Variants in COA1 observed in about 807,000 individuals in gnomAD.
COA1 encodes cytochrome c oxidase assembly factor 1.
A neutral mutation model predicts 16.0 loss-of-function variants in COA1; 13 were observed. The ratio of observed to expected loss-of-function variants is 0.81; its 90% confidence interval spans 0.53 to 1.29. The LOEUF (loss-of-function observed/expected upper bound fraction) is 1.29. Ranked by LOEUF, COA1 falls within the 50% of genes most tolerant of loss-of-function variation. The pLI is 0.00. For synonymous variants in COA1, 65 were observed against 65.7 expected (o/e 0.99, Z 0.05); for missense variants, 179 against 177.0 (o/e 1.01, Z -0.06).
downstream of COA1, among the ~76,000 whole-genome samples, chr7:43,634,420 G>A (rs1182234885): frequency 6.6e-6 from 1 of 152,194 alleles, no homozygotes; most frequent in Non-Finnish European, 1.5e-5. Context: ...AGGGGGAGGG[G>A]TGGCTAAGTG....
chr7:43,700,629 G>A (rs1232268822), intron 1 of COA1, among the ~76,000 whole-genome samples: 2 of 116,018 alleles, frequency 1.7e-5, no homozygotes, highest in East Asian at 2.4e-4. Flanking sequence ...TTAGAGTAAG[G>A]TACCTAAATA....
chr7:43,718,518 A>T (rs1384778123), intron 1 of COA1, among the ~76,000 whole-genome samples: 1 of 152,178 alleles, frequency 6.6e-6, no homozygotes, highest in Non-Finnish European at 1.5e-5. Flanking sequence ...AGGGTTTGGG[A>T]TTTAAAATAA....
chr7:43,645,181 T>G, intron 4 of COA1, 70 bp downstream of exon 4: 1 of 1,506,976 alleles, frequency 6.6e-7, no homozygotes, highest in Non-Finnish European at 9.1e-7. Flanking sequence ...TCCAGGACTT[T>G]CCAGGAGACA....
intron 6 of COA1, chr7:43,623,042 T>C (rs577534895): frequency 1.3e-5 from 2 of 153,394 alleles, no homozygotes; most frequent in East Asian, 3.8e-4. Context: ...GTCCCATGCC[T>C]GTAGTGTCAG....
chr7:43,687,373 T>C (rs1016477117), intron 1 of COA1, among the ~76,000 whole-genome samples: 1 of 152,196 alleles, frequency 6.6e-6, no homozygotes, highest in African/African-American at 2.4e-5. Flanking sequence ...CCTCGATAGC[T>C]TCAAGCTTAA....
At chr7:43,723,569 T>A (rs2095552283) in intron 1 of COA1, among the ~76,000 whole-genome samples, 1 of 151,776 alleles carries the variant, frequency 6.6e-6, no homozygotes, top group African/African-American at 2.4e-5. Flanking sequence ...CAAACTCACC[T>A]CCATTTTAGA....
chr7:43,721,272 T>C lies in COA1; in HGVS notation c.-39+8157A>G, dbSNP rs1286228619. On this transcript the variant is annotated intron_variant, in intron 1 of 5. Coordinates refer to ENST00000223336, the MANE Select transcript of COA1 (RefSeq NM_018224.4). ...TTGAAATAGACTTTAAAAAATAATTTCAATAGTTAAATGTCAGTTCTTAAT... is the reference window on the plus strand; with the variant it reads ...TTGAAATAGACTTTAAAAAATAATTCCAATAGTTAAATGTCAGTTCTTAAT... Among the ~76,000 whole-genome samples the C allele has an allele frequency of 3.3e-5, 5 of 152,356 alleles. No individual in the cohort carries two copies. In the East Asian group the frequency reaches 9.6e-4, roughly 29 times the overall value.
intron 1 of COA1, among the ~76,000 whole-genome samples, chr7:43,667,328 A>G (rs1381610673): frequency 2.0e-5 from 3 of 152,204 alleles, no homozygotes; most frequent in Non-Finnish European, 4.4e-5. Context: ...GAAAAGAGGT[A>G]AAAAAGATTA....
intron 1 of COA1, among the ~76,000 whole-genome samples, chr7:43,699,965 G>A (rs1167790706): frequency 1.3e-5 from 2 of 151,830 alleles, no homozygotes; most frequent in East Asian, 1.9e-4. Flanking sequence ...CTTTATCATC[G>A]CTTTGTAAGC....
intron 1 of COA1, among the ~76,000 whole-genome samples, chr7:43,711,908 T>C (rs1044268774): frequency 1.3e-5 from 2 of 152,148 alleles, no homozygotes; most frequent in African/African-American, 4.8e-5. Context: ...ATATAATATA[T>C]AAAATATATG....
chr7:43,683,448 C>A (rs748925828), intron 1 of COA1, among the ~76,000 whole-genome samples: 1 of 151,884 alleles, frequency 6.6e-6, no homozygotes, highest in Non-Finnish European at 1.5e-5. Context: ...CTGGCTAACA[C>A]GGTGAAACCT....
intron 1 of COA1, among the ~76,000 whole-genome samples, chr7:43,657,921 T>C (rs566069593): frequency 6.6e-6 from 1 of 152,152 alleles, no homozygotes; most frequent in East Asian, 1.9e-4. Flanking sequence ...ACATTATATG[T>C]TTATTAGGAA....
At position 43,678,257 on chromosome 7, in the gene COA1, C is replaced by T. The variant is rs2093622731; in HGVS notation, c.-38-29605G>A. Among the ~76,000 whole-genome samples the T allele has an allele frequency of 2.6e-5, 4 of 152,266 alleles. No individual in the cohort carries two copies. In the South Asian group the frequency reaches 8.3e-4, roughly 32 times the overall value. ...TAAAAAGAGAATTCAACAAATAACA[C>T]TGGGAAAATAAATATCCACATGCAA... On this transcript the variant is annotated intron_variant, in intron 1 of 5. Coordinates refer to ENST00000223336, the MANE Select transcript of COA1 (RefSeq NM_018224.4).
chr7:43,647,489 C>G, intron 3 of COA1, 46 bp downstream of exon 3: 1 of 1,219,474 alleles, frequency 8.2e-7, no homozygotes, highest in Non-Finnish European at 1.2e-6. Flanking sequence ...GGAGCAGGAG[C>G]AGGCTAGGAG....
At chr7:43,663,658 C>A (rs1260494695) in intron 1 of COA1, among the ~76,000 whole-genome samples, 1 of 121,544 alleles carries the variant, frequency 8.2e-6, no homozygotes, top group Admixed American at 8.4e-5. Context: ...GACATAAAGA[C>A]CCTATCTCAA....
At position 43,671,344 on chromosome 7, in the gene COA1, C is replaced by T. The variant is rs373800176; in HGVS notation, c.-38-22692G>A. ...AGAAAGTGAAAACAACCCACAGAAA[C>T]GGAAAAAAAAAAAGCAAATCATATA... On this transcript the variant is annotated intron_variant, in intron 1 of 5. Transcript: ENST00000223336. Among the ~76,000 whole-genome samples the T allele has an allele frequency of 1.7e-4, 25 of 144,848 alleles. No homozygotes were observed. In the South Asian group the frequency reaches 3.7e-3, roughly 22 times the overall value.
chr7:43,626,678 A>G (rs2084581234), intron 6 of COA1: 1 of 152,216 alleles, frequency 6.6e-6, no homozygotes, highest in Non-Finnish European at 1.5e-5. Flanking sequence ...AATAACCACT[A>G]TTGAATGACA....
At chr7:43,657,967 G>A (rs1332247676) in intron 1 of COA1, among the ~76,000 whole-genome samples, 1 of 152,166 alleles carries the variant, frequency 6.6e-6, no homozygotes, top group Non-Finnish European at 1.5e-5. Flanking sequence ...GGAGGTTGCA[G>A]TGAGCCAAGA....
At chr7:43,619,816 T>TA in intron 6 of COA1, 3 of 1,431,206 alleles carry the variant, frequency 2.1e-6, no homozygotes, top group Non-Finnish European at 2.8e-6. Flanking sequence ...TGGAGCCAGC[T>TA]ATCTACTATG....
Sources: allele counts gnomAD v4.1 joint callset (sites outside exome capture counted in the v4.1 genomes callset), GRCh38; gene constraint gnomAD v4.1.1; transcripts MANE v1.5; gene names NCBI Gene and HGNC (gene_info 2026-07-23, HGNC 2026-07-21).